Variants in NGEF observed in about 807,000 individuals in gnomAD.
NGEF encodes the protein neuronal guanine nucleotide exchange factor, also known as ephexin-1.
NGEF carries 31 observed loss-of-function variants against 80.9 expected under a neutral mutation model. The ratio of observed to expected loss-of-function variants is 0.38; its 90% CI spans 0.29 to 0.52. NGEF has a LOEUF of 0.52. Ranked by LOEUF, NGEF falls within the 20% of genes least tolerant of loss-of-function variation. The pLI is 0.84. For synonymous variants in NGEF, 371 were observed against 370.2 expected (o/e 1.00, Z -0.03); for missense variants, 709 against 926.2 (o/e 0.77, Z 3.04).
At chr2:232,901,163 G>A (rs1008976834) in intron 5 of NGEF, among the ~76,000 whole-genome samples, 2 of 152,152 alleles carry the variant, frequency 1.3e-5, no homozygotes, top group Admixed American at 1.3e-4. Context: ...CGCAGCCCGC[G>A]GGCCCCAATT....
At chr2:232,972,275 CA>C (rs927024954) in intron 2 of NGEF, among the ~76,000 whole-genome samples, 63 of 150,992 alleles carry the variant, frequency 4.2e-4, no homozygotes, top group African/African-American at 1.4e-3. Flanking sequence ...AGACTTCATG[CA>C]AAAAAAAGGA....
chr2:232,883,503 G>A (rs761179197), intron 11 of NGEF, 37 bp from the exon 12 acceptor site: 124 of 1,525,004 alleles, frequency 8.1e-5, no homozygotes, highest in Admixed American at 9.9e-5. Flanking sequence ...TGTCAGCCCC[G>A]AGGAGGCCTG....
At chr2:232,916,412 C>T (rs1434256015) in intron 5 of NGEF, among the ~76,000 whole-genome samples, 1 of 152,022 alleles carries the variant, frequency 6.6e-6, no homozygotes, top group African/African-American at 2.4e-5. Flanking sequence ...AGTGGCTGTG[C>T]ACAAATTGCG....
chr2:232,913,172 C>T (rs768575317), intron 5 of NGEF, among the ~76,000 whole-genome samples: 1 of 152,136 alleles, frequency 6.6e-6, no homozygotes, highest in Non-Finnish European at 1.5e-5. Flanking sequence ...TTGCTGCATC[C>T]CACTTGGTAT....
chr2:232,921,530 C>T (rs953731380), intron 4 of NGEF, among the ~76,000 whole-genome samples: 3 of 152,180 alleles, frequency 2.0e-5, no homozygotes, highest in Non-Finnish European at 4.4e-5. Context: ...TAGCTCACTG[C>T]AGCCTCCATC....
At chr2:232,967,494 C>T (rs76016196) in intron 3 of NGEF, among the ~76,000 whole-genome samples, 9 of 82,456 alleles carry the variant, frequency 1.1e-4, no homozygotes, top group Admixed American at 2.1e-4. Context: ...ACTACCATCC[C>T]GGACTTATTT....
In NGEF at chr2:232,918,627, A is replaced by AGTTTTTT. The variant is rs1374000819; in HGVS notation, c.828+1650_828+1656dup. On this transcript the variant is annotated intron_variant, in intron 5 of 14. Transcript: ENST00000264051. ...TAGGTTCTACTAGGATTTATTTCTAAGTTTTTTTTTTTTTTTTTTTTTTTT... is the reference window on the plus strand; with the variant it reads ...TAGGTTCTACTAGGATTTATTTCTAAGTTTTTTGTTTTTTTTTTTTTTTTTTTTTTTT... 4.2e-4 allele frequency among the ~76,000 whole-genome samples: 47 copies of AGTTTTTT among 111,812 alleles called. 6 individuals are homozygous for AGTTTTTT. Among genetic ancestry groups the AGTTTTTT allele is most frequent in the Non-Finnish European group, 5.4e-4 (28 of 52,154 alleles). 73.4% of individuals were successfully genotyped at this position (111,812 alleles called of 152,430 possible). A position where few individuals can be genotyped will look rare whatever the true frequency, so the allele number is the denominator to read the frequency against.
chr2:232,900,153 C>A (rs1692265152), intron 5 of NGEF, among the ~76,000 whole-genome samples: 1 of 141,998 alleles, frequency 7.0e-6, no homozygotes, highest in African/African-American at 2.7e-5. Context: ...CACACGCTCA[C>A]AGTCACTCAT....
At chr2:233,012,032 G>A (rs1028368418) in intron 1 of NGEF, among the ~76,000 whole-genome samples, 4 of 152,176 alleles carry the variant, frequency 2.6e-5, no homozygotes, top group African/African-American at 9.7e-5. Context: ...GCAGTGCCAA[G>A]GGGCAGCCTG....
At chr2:232,966,672 A>G (rs1313198627) in intron 3 of NGEF, among the ~76,000 whole-genome samples, 1 of 152,182 alleles carries the variant, frequency 6.6e-6, no homozygotes, top group Non-Finnish European at 1.5e-5. Flanking sequence ...ATCTAGTGTT[A>G]AAATGCAGAA....
chr2:232,993,086 A>AAT (rs1462797224), intron 1 of NGEF, among the ~76,000 whole-genome samples: 5 of 111,738 alleles, frequency 4.5e-5, no homozygotes, highest in African/African-American at 1.3e-4. Flanking sequence ...TATACGGGCA[A>AAT]ATATATATAT....
At chr2:232,952,075 C>G (rs549923530) in intron 3 of NGEF, among the ~76,000 whole-genome samples, 1 of 152,196 alleles carries the variant, frequency 6.6e-6, no homozygotes, top group Non-Finnish European at 1.5e-5. Context: ...GGCTGTAAAG[C>G]CTTCAAGCCG....
chr2:232,888,084 C>T lies in NGEF; in HGVS notation c.1296G>A (p.Glu432=), dbSNP rs1420006427. ...AAGCAGTGCACTCCCGCTCAGACCT[C>T]TCTTCTACCCTCTTCAGGATGTTCT... is the stretch of plus-strand genomic sequence containing the variant. ...LVQNILKRVE[E]RSERECTALD... Residue 432 remains glutamate, a synonymous_variant, in exon 9 of 15, where the codon GAG becomes GAA. Transcript: ENST00000264051. The T allele has an allele frequency of 3.7e-6, 6 of 1,607,444 alleles. No homozygotes were observed. The highest frequency in any genetic ancestry group is 1.1e-5 in the South Asian group (1 of 89,410).
At chr2:232,936,699 G>T (rs148350547) in intron 3 of NGEF, among the ~76,000 whole-genome samples, 3,094 of 152,358 alleles carry the variant, frequency 0.02, 50 homozygotes, top group Non-Finnish European at 0.027. Flanking sequence ...CAAGGGAGAA[G>T]ACCACTGGAA....
At chr2:232,899,929 C>A (rs1692242291) in intron 5 of NGEF, among the ~76,000 whole-genome samples, 1 of 145,932 alleles carries the variant, frequency 6.9e-6, no homozygotes, top group Non-Finnish European at 1.5e-5. Context: ...TATACACGTT[C>A]ACTCACATTC....
rs181469059 is a variant in NGEF at position 232,949,541 on chromosome 2, G to A, written c.383+20673C>T. On this transcript the variant is annotated intron_variant, in intron 3 of 14. Coordinates refer to ENST00000264051, the MANE Select transcript of NGEF (RefSeq NM_019850.3). The stretch of plus-strand genomic sequence containing the variant: ...TGCCCAAGCTGGAGTGCAGTGGCGC[G>A]ATCTCGGCTCACTGCAACGTCCGCC... 4.7e-5 allele frequency among the ~76,000 whole-genome samples: 7 copies of A among 149,126 alleles called. No homozygotes were observed. The South Asian group carries it at 1.1e-3, about 23-fold the overall frequency.
chr2:233,003,695 C>A (rs1695029021), intron 1 of NGEF, among the ~76,000 whole-genome samples: 1 of 152,082 alleles, frequency 6.6e-6, no homozygotes, highest in South Asian at 2.1e-4. Flanking sequence ...AGGGCCAGGC[C>A]CTGGAGAAAC....
chr2:232,979,574 A>C (rs1210477493), intron 1 of NGEF, among the ~76,000 whole-genome samples: 1 of 152,156 alleles, frequency 6.6e-6, no homozygotes, highest in East Asian at 1.9e-4. Context: ...TGTTCCCTTA[A>C]GTTCCTCTGT....
At chr2:232,965,114 A>G (rs568625641) in intron 3 of NGEF, among the ~76,000 whole-genome samples, 19 of 152,322 alleles carry the variant, frequency 1.2e-4, no homozygotes, top group African/African-American at 4.3e-4. Context: ...AACCAGGGAG[A>G]TGAAATATTT....
Sources: allele counts gnomAD v4.1 joint callset (sites outside exome capture counted in the v4.1 genomes callset), GRCh38; gene constraint gnomAD v4.1.1; transcripts MANE v1.5; gene names NCBI Gene and HGNC (gene_info 2026-07-23, HGNC 2026-07-21).